MICAL3: variants seen among roughly 807,000 people sequenced by gnomAD.
The protein encoded by MICAL3 is [F-actin]-monooxygenase MICAL3.
In MICAL3, 62 loss-of-function variants were observed where a neutral mutation model predicts 207.4. The observed-to-expected ratio is 0.30, with a 90% CI of 0.24 to 0.37. The LOEUF (loss-of-function observed/expected upper bound fraction) is 0.37. MICAL3 is among the 10% of genes least tolerant of loss of function. The pLI is 1.00. For synonymous variants in MICAL3, 1,077 were observed against 1,069.3 expected, an observed-to-expected ratio of 1.01 and a Z score of -0.14; for missense variants, 2,368 against 2,635.6, an observed-to-expected ratio of 0.90 and a Z score of 2.22.
At chr22:17,876,973 T>TGGAGGTGAG (rs1928586206) in intron 16 of MICAL3, 1 of 48,936 alleles carries the variant, frequency 2.0e-5, no homozygotes, top group Admixed American at 2.4e-4. Context: ...AGGGAGGTTA[T>TGGAGGTGAG]GGAGGTTAGG....
rs772745001 is a variant in MICAL3, at chr22:17,915,969, G to A, written c.-74-9083C>T. ...AGCCAGGCATAGATGCACACCTGTC[G>A]TCCCAGCTACCCAGGAGGTCGAGGC... On this transcript the variant is annotated intron_variant, in intron 1 of 31. Transcript: ENST00000441493. Among the ~76,000 whole-genome samples the A allele has an allele frequency of 3.5e-5, 5 of 142,912 alleles. No homozygotes were observed. The East Asian group carries it at 6.4e-4, about 18-fold the overall frequency. 93.8% of individuals were successfully genotyped at this position (142,912 alleles called of 152,430 possible).
rs1411929079 is a variant in MICAL3 at position 17,902,626 on chromosome 22, C to G, written c.589+5G>C. 1 of 1,553,492 alleles carries G rather than the reference C, an allele frequency of 6.4e-7. No homozygotes were observed. Among genetic ancestry groups the G allele is most frequent in the African/African-American group, 1.4e-5 (1 of 73,850 alleles). On this transcript the variant is annotated splice_donor_5th_base_variant and intron_variant, in intron 4 of 31. Coordinates refer to ENST00000441493, the MANE Select transcript of MICAL3 (RefSeq NM_015241.3). This position sits in a 1 kb window ranked among gnomAD's most constrained non-coding sequence, Gnocchi z 4.5. ...CGCCTTCTTCACTCCTCCAGTATAA[C>G]TTACGTTCATTCTCTTGGTCCTCAG...
At chr22:18,023,941 C>G (rs1040847808) in intron 1 of MICAL3, among the ~76,000 whole-genome samples, 1 of 152,236 alleles carries the variant, frequency 6.6e-6, no homozygotes, top group African/African-American at 2.4e-5. Flanking sequence ...TACGCTCTTC[C>G]TTTGCCTGCG....
At chr22:17,994,779 C>T (rs1922096083) in intron 1 of MICAL3, among the ~76,000 whole-genome samples, 1 of 151,992 alleles carries the variant, frequency 6.6e-6, no homozygotes, top group Non-Finnish European at 1.5e-5. Context: ...GCCTGGGACC[C>T]ACTAAGGTTT....
At chr22:17,835,107 C>A (rs1034065723) in intron 20 of MICAL3, among the ~76,000 whole-genome samples, 11 of 152,384 alleles carry the variant, frequency 7.2e-5, no homozygotes, top group Admixed American at 4.6e-4. Context: ...TGAATAGATG[C>A]CCCGAGATGA....
At chr22:17,850,523 T>A (rs1925213197) in intron 19 of MICAL3, among the ~76,000 whole-genome samples, 1 of 147,782 alleles carries the variant, frequency 6.8e-6, no homozygotes, top group Admixed American at 6.8e-5. Context: ...GTGATTCTCC[T>A]GCCTCAGCCT....
chr22:17,834,463 C>T, intron 20 of MICAL3: 3 of 1,281,090 alleles, frequency 2.3e-6, no homozygotes, highest in Non-Finnish European at 3.0e-6. Context: ...CATCTGTGAT[C>T]CCAGCACTGT....
chr22:17,812,525 C>T, intron 27 of MICAL3: 10 of 985,836 alleles, frequency 1.0e-5, no homozygotes, highest in Non-Finnish European at 1.2e-5. Context: ...CACATGATCT[C>T]CTGAATGCCA....
At chr22:18,000,617 TCAA>T (rs2146487109) in intron 1 of MICAL3, among the ~76,000 whole-genome samples, 1 of 152,290 alleles carries the variant, frequency 6.6e-6, no homozygotes, top group African/African-American at 2.4e-5. Context: ...GTAGGGCTCC[TCAA>T]GATGGTTTCT....
chr22:17,900,208 C>T lies in MICAL3; in HGVS notation c.847+634G>A, dbSNP rs750005070. Among the ~76,000 whole-genome samples the T allele has an allele frequency of 2.6e-5, 4 of 152,158 alleles. No homozygotes were observed. The highest frequency in any genetic ancestry group is 4.8e-5 in the African/African-American group (2 of 41,438). ...CTTCCCAAGCAAACCAGGGAGCCAC[C>T]GGCCAGCAGCTACACCAAGCAGCAT... On this transcript the variant is annotated intron_variant, in intron 6 of 31. Transcript: ENST00000441493. This position sits in a 1 kb window ranked among gnomAD's most constrained non-coding sequence, Gnocchi z 4.0.
chr22:17,863,816 A>G, intron 19 of MICAL3: 1 of 985,458 alleles, frequency 1.0e-6, no homozygotes, highest in African/African-American at 1.7e-5. Context: ...CAAATGGGTA[A>G]TTCTCTTGTC....
chr22:18,019,688 C>CT (rs1362658099), intron 1 of MICAL3: 1 of 152,512 alleles, frequency 6.6e-6, no homozygotes, highest in Non-Finnish European at 1.4e-5. Context: ...GAGCAAGACT[C>CT]TGTCTCAAAA....
intron 19 of MICAL3, among the ~76,000 whole-genome samples, chr22:17,854,254 A>G (rs1925659250): frequency 1.3e-5 from 2 of 151,960 alleles, no homozygotes; most frequent in South Asian, 4.2e-4. Context: ...TGATGGGGAG[A>G]GGCCAGGGAC....
intron 1 of MICAL3, among the ~76,000 whole-genome samples, chr22:18,014,284 C>T (rs1473222937): frequency 6.6e-6 from 1 of 152,134 alleles, no homozygotes; most frequent in African/African-American, 2.4e-5. Context: ...ATTTTCATTC[C>T]TGTGAAGGAT....
rs778314864 is a variant in MICAL3, at chr22:17,887,432, G to A, written c.1895C>T (p.Thr632Ile). 2.5e-6 allele frequency: 4 copies of A among 1,610,590 alleles called. No individual in the cohort carries two copies. Among genetic ancestry groups the A allele is most frequent in the South Asian group, 1.1e-5 (1 of 90,706 alleles). Residue 632 changes from threonine (T) to isoleucine (I), a missense_variant, in exon 14 of 32, where the codon ACC becomes ATC. By Grantham distance (89) the Thr-to-Ile change is moderately conservative (BLOSUM62 -1). Around this residue, in one of 4 missense-constraint regions of MICAL3, gnomAD observed 1,770 missense variants for 1,863.2 expected, o/e 0.95. Transcript: ENST00000441493. ...MFKDSLPSSD[T>I]LDLNAEEKAV... ...TTTCTCCTCGGCATTTAGGTCCAAG[G>A]TGTCTGGGAATAGAAACCAGTGATG...
chr22:17,922,428 G>A (rs1327340002), intron 1 of MICAL3, among the ~76,000 whole-genome samples: 1 of 152,166 alleles, frequency 6.6e-6, no homozygotes, highest in Non-Finnish European at 1.5e-5. Context: ...GGTGTAAGAA[G>A]GACCAGGAAG....
rs182555727 is a variant in MICAL3, at chr22:17,921,860, A to G, written c.-74-14974T>C. On this transcript the variant is annotated intron_variant, in intron 1 of 31. Transcript: ENST00000441493. ...CCAGAGGGGTCTTTTGTAAGGGCCA[A>G]TGTGACCCGTTTCAGCCTCTGCTGA... Among the ~76,000 whole-genome samples, 447 of 152,166 alleles carry G rather than the reference A, an allele frequency of 2.9e-3. 3 individuals are homozygous for G. Among genetic ancestry groups the G allele is most frequent in the African/African-American group, 0.01 (421 of 41,508 alleles).
chr22:17,971,253 A>G (rs1166821608), intron 1 of MICAL3, among the ~76,000 whole-genome samples: 2 of 152,144 alleles, frequency 1.3e-5, no homozygotes, highest in Non-Finnish European at 2.9e-5. Flanking sequence ...AGATCACTTG[A>G]GGTCAGGAGT....
chr22:17,957,109 G>A (rs1393086045), intron 1 of MICAL3, among the ~76,000 whole-genome samples: 1 of 152,266 alleles, frequency 6.6e-6, no homozygotes, highest in Middle Eastern at 3.4e-3. Context: ...CTGGAGCTCC[G>A]GCAGCCATGC....
Sources: gnomAD v4.1 joint callset for allele counts (sites outside exome capture counted in the v4.1 genomes callset) on GRCh38, gnomAD v4.1.1 for gene constraint, gnomAD v4.1.1 regional missense constraint, Gnocchi (gnomAD v3.1) non-coding constraint, MANE v1.5 for transcripts, NCBI Gene and HGNC (gene_info 2026-07-23, HGNC 2026-07-21) for gene names.